Variants in PPP2R3B observed in about 807,000 individuals in gnomAD.
PPP2R3B encodes serine/threonine-protein phosphatase 2A regulatory subunit B'' subunit beta.
In PPP2R3B, 68 loss-of-function variants were observed where a neutral mutation model predicts 72.9. That is an observed-to-expected ratio of 0.93 (90% CI 0.77 to 1.14). The LOEUF (loss-of-function observed/expected upper bound fraction) is 1.14. Ranked by LOEUF, PPP2R3B falls within the 50% of genes most tolerant of loss-of-function variation. The probability of loss-of-function intolerance (pLI) is 0.00; values close to 1 mark genes in which losing one functional copy is unlikely to be tolerated. For synonymous variants in PPP2R3B, 466 were observed against 375.8 expected (o/e 1.24, Z -2.78); for missense variants, 1,018 against 842.0 (o/e 1.21, Z -2.59).
rs373578355 is a variant in PPP2R3B at position 334,521 on chromosome X, C to T, written c.1578-4G>A. 64 of 1,533,210 alleles carry T rather than the reference C, an allele frequency of 4.2e-5. No homozygotes were observed. The highest frequency in any genetic ancestry group is 5.6e-5 in the Non-Finnish European group (64 of 1,147,330). The allele number at this position is 1,533,210 out of a possible 1,614,324, so 95.0% of individuals were successfully genotyped here. Reference sequence around the variant, plus strand: ...AGGGCTGAGCTCGGCCTCGAACCTGCAACGAGGGGATGGCGAAGACGTGGC... The same window carrying T: ...AGGGCTGAGCTCGGCCTCGAACCTGTAACGAGGGGATGGCGAAGACGTGGC... On this transcript the variant is annotated splice_polypyrimidine_tract_variant and splice_region_variant and intron_variant, in intron 12 of 12. Transcript: ENST00000390665.
rs1373800809 is a variant in PPP2R3B, at chrX:346,078, A to AGG, written c.879+94_879+95dup. Reference sequence around the variant, plus strand: ...GGGTGGGGGTGGGAGAGGGGGTGGGAGGGGAGGAGGGAGGGGGGAGGAGGG... The same window carrying AGG: ...GGGTGGGGGTGGGAGAGGGGGTGGGAGGGGGGAGGAGGGAGGGGGGAGGAGGG... On this transcript the variant is annotated intron_variant, in intron 6 of 12. Coordinates refer to ENST00000390665, the MANE Select transcript of PPP2R3B (RefSeq NM_013239.5). 2.1e-4 allele frequency: 88 copies of AGG among 410,020 alleles called. 1 individual carries two copies. The highest frequency in any genetic ancestry group is 1.7e-3 in the East Asian group (39 of 23,026). 25.4% of individuals were successfully genotyped at this position (410,020 alleles called of 1,614,324 possible).
chrX:374,727 C>T lies in PPP2R3B; in HGVS notation c.324+11641G>A, dbSNP rs150425192. On this transcript the variant is annotated intron_variant, in intron 1 of 12. Coordinates refer to ENST00000390665, the MANE Select transcript of PPP2R3B (RefSeq NM_013239.5). Reference sequence around the variant, plus strand: ...CCTGCGTGACCGCCTGCATCTGTTACAGTCAATAAACCTCCTTGGACGGGT... The same window carrying T: ...CCTGCGTGACCGCCTGCATCTGTTATAGTCAATAAACCTCCTTGGACGGGT... Among the ~76,000 whole-genome samples the T allele has an allele frequency of 4.1e-3, 618 of 152,272 alleles. 2 individuals are homozygous for T. The highest frequency in any genetic ancestry group is 7.1e-3 in the Non-Finnish European group (484 of 68,020).
rs1373763628 is a variant in PPP2R3B at position 373,224 on chromosome X, G to A, written c.325-11634C>T. On this transcript the variant is annotated intron_variant, in intron 1 of 12. Transcript: ENST00000390665. ...CTCTCACCCGCCTTGGTTGATCACAGCAAGGCGCGCACTCACAGCCAAAAC... is the reference window on the plus strand; with the variant it reads ...CTCTCACCCGCCTTGGTTGATCACAACAAGGCGCGCACTCACAGCCAAAAC... 2.0e-5 allele frequency among the ~76,000 whole-genome samples: 3 copies of A among 152,338 alleles called. No individual in the cohort carries two copies. The East Asian group carries it at 5.8e-4, about 29-fold the overall frequency.
chrX:362,501 C>T (rs1239867152), intron 1 of PPP2R3B, among the ~76,000 whole-genome samples: 3 of 150,140 alleles, frequency 2.0e-5, no homozygotes, highest in Non-Finnish European at 4.4e-5. Context: ...ATCAACTACT[C>T]GGGACGAGGC....
intron 1 of PPP2R3B, among the ~76,000 whole-genome samples, chrX:367,940 A>G (rs1403573624): frequency 7.2e-5 from 11 of 152,358 alleles, no homozygotes; most frequent in African/African-American, 2.6e-4. Flanking sequence ...TGATGGACAG[A>G]CCTGGAGACA....
Position 346,246 on chromosome X carries a change from G to T in PPP2R3B, c.807C>A (p.Ile269=), listed in dbSNP as rs753036806. ...SRYITTVIQR[I]FYAVNRSWSG... ...ACCAGGACCGGTTCACGGCGTAGAA[G>T]ATCCGCTGGATGACCTGCGGGGGCG... is the stretch of plus-strand genomic sequence containing the variant. The change falls in exon 6 of 13, where the codon ATC becomes ATA. Residue 269 remains isoleucine, a synonymous_variant. Coordinates refer to ENST00000390665, the MANE Select transcript of PPP2R3B (RefSeq NM_013239.5). The T allele has an allele frequency of 4.5e-6, 7 of 1,569,442 alleles. No individual in the cohort carries two copies. Among genetic ancestry groups the T allele is most frequent in the Non-Finnish European group, 6.0e-6 (7 of 1,159,058 alleles).
Position 341,922 on chromosome X carries a change from G to C in PPP2R3B, c.1046C>G (p.Thr349Ser), listed in dbSNP as rs199538596. Residue 349 changes from threonine (T) to serine (S), a missense_variant, in exon 8 of 13, where the codon ACC (threonine) becomes AGC (serine). Coordinates refer to ENST00000390665, the MANE Select transcript of PPP2R3B (RefSeq NM_013239.5). Reference sequence around the variant, plus strand: ...TGAGAAGATCCTGTCTATCATCTTGGTAGAAAGGGCTGGAAAGGAATGCGG... The same window carrying C: ...TGAGAAGATCCTGTCTATCATCTTGCTAGAAAGGGCTGGAAAGGAATGCGG... ...LARHNDHALS[T>S]KMIDRIFSGA... 1 of 1,612,732 alleles carries C rather than the reference G, an allele frequency of 6.2e-7. No individual in the cohort carries two copies. The highest frequency in any genetic ancestry group is 1.3e-5 in the African/African-American group (1 of 75,060).
At chrX:334,639 T>TTGAGCTCCAGCCGC (rs1569370195) in intron 12 of PPP2R3B, 122 bp from the exon 13 acceptor site, 2 of 1,161,192 alleles carry the variant, frequency 1.7e-6, no homozygotes, top group African/African-American at 3.3e-5. Flanking sequence ...TGAGCCGACC[T>TTGAGCTCCAGCCGC]TGAGCTCCAG....
intron 1 of PPP2R3B, among the ~76,000 whole-genome samples, chrX:364,235 G>A (rs1213437923): frequency 3.9e-5 from 6 of 152,244 alleles, no homozygotes; most frequent in East Asian, 3.9e-4. Flanking sequence ...GCGCGCCTCC[G>A]GCCCCAGGAA....
rs190351650 is a variant in PPP2R3B, at chrX:352,363, G to A, written c.511-4670C>T. 3.6e-3 allele frequency among the ~76,000 whole-genome samples: 550 copies of A among 152,352 alleles called. 4 individuals are homozygous for A. Among genetic ancestry groups the A allele is most frequent in the African/African-American group, 0.013 (522 of 41,582 alleles). On this transcript the variant is annotated intron_variant, in intron 2 of 12. Coordinates refer to ENST00000390665, the MANE Select transcript of PPP2R3B (RefSeq NM_013239.5). ...GGCCGCCAGCCCTGACAGTCCCTTC[G>A]GCCCCTCCGCAGTCCGCTACGGCGA...
At chrX:344,777 G>C (rs1288297367) in intron 7 of PPP2R3B, 1 of 263,214 alleles carries the variant, frequency 3.8e-6, no homozygotes, top group Non-Finnish European at 7.5e-6. Flanking sequence ...TCCGACGCAG[G>C]GATCTACTGC....
At chrX:379,069 C>CTGTG (rs572904464) in intron 1 of PPP2R3B, among the ~76,000 whole-genome samples, 9 of 148,646 alleles carry the variant, frequency 6.1e-5, no homozygotes, top group South Asian at 2.1e-4. Context: ...GTGTATGCAC[C>CTGTG]TGTGTGTGTG....
chrX:361,350 C>T lies in PPP2R3B; in HGVS notation c.510+55G>A, dbSNP rs2071534782. 11 of 1,599,356 alleles carry T rather than the reference C, an allele frequency of 6.9e-6. No individual in the cohort carries two copies. In the East Asian group the frequency reaches 2.5e-4, roughly 36 times the overall value. ...CCCACCACGGCCGCTCCGCCTCACCCTCACATGCCCGCAGTACCACCTCGG... is the reference window on the plus strand; with the variant it reads ...CCCACCACGGCCGCTCCGCCTCACCTTCACATGCCCGCAGTACCACCTCGG... On this transcript the variant is annotated intron_variant, in intron 2 of 12. Transcript: ENST00000390665.
At position 350,280 on chromosome X, in the gene PPP2R3B, G is replaced by A. The variant is rs188231319; in HGVS notation, c.511-2587C>T. Reference sequence around the variant, plus strand: ...AGCCCGAAGGGTGAAAGGCCAAACAGCGGCCCCTCCTGGAAGGAAACGAGG... The same window carrying A: ...AGCCCGAAGGGTGAAAGGCCAAACAACGGCCCCTCCTGGAAGGAAACGAGG... On this transcript the variant is annotated intron_variant, in intron 2 of 12. Transcript: ENST00000390665. Among the ~76,000 whole-genome samples, 69 of 152,320 alleles carry A rather than the reference G, an allele frequency of 4.5e-4. 1 individual carries two copies. The East Asian group carries it at 0.01, about 23-fold the overall frequency.
At chrX:351,364 G>A (rs1389787049) in intron 2 of PPP2R3B, among the ~76,000 whole-genome samples, 2 of 152,192 alleles carry the variant, frequency 1.3e-5, no homozygotes, top group Admixed American at 1.3e-4. Context: ...TCAACACCCA[G>A]GGATGGGGGG....
At chrX:363,990 G>C (rs1289054564) in intron 1 of PPP2R3B, among the ~76,000 whole-genome samples, 4 of 152,254 alleles carry the variant, frequency 2.6e-5, no homozygotes, top group African/African-American at 4.8e-5. Flanking sequence ...GCGCCCACAG[G>C]CTGGCAGGAA....
intron 2 of PPP2R3B, among the ~76,000 whole-genome samples, chrX:349,157 C>T (rs983183439): frequency 1.1e-4 from 16 of 152,258 alleles, no homozygotes; most frequent in East Asian, 5.8e-4. Context: ...TCCTCTCCCC[C>T]GAGGCGATGG....
chrX:363,662 C>A (rs113861427), intron 1 of PPP2R3B, among the ~76,000 whole-genome samples: 45 of 2,216 alleles, frequency 0.02, 1 homozygote, highest in East Asian at 0.041. Context: ...CTGTGCCCAC[C>A]ATCCCACAAT....
chrX:340,178 GGC>G lies in PPP2R3B; in HGVS notation c.1351+585_1351+586del, dbSNP rs1407928790. On this transcript the variant is annotated intron_variant, in intron 10 of 12. Transcript: ENST00000390665. ...GGGTGAGAAGGGAGGAGACGGGGGGGGCGGGGTGAGAGGGGAGGAGACGGGGG... is the reference window on the plus strand; with the variant it reads ...GGGTGAGAAGGGAGGAGACGGGGGGGGGGGTGAGAGGGGAGGAGACGGGGG... Among the ~76,000 whole-genome samples the G allele has an allele frequency of 4.6e-3, 10 of 2,194 alleles. 1 individual carries two copies. Among genetic ancestry groups the G allele is most frequent in the African/African-American group, 0.015 (2 of 132 alleles). 1.4% of individuals were successfully genotyped at this position (2,194 alleles called of 152,430 possible).
Sources: gnomAD v4.1 joint callset for allele counts (sites outside exome capture counted in the v4.1 genomes callset) on GRCh38, gnomAD v4.1.1 for gene constraint, MANE v1.5 for transcripts, NCBI Gene and HGNC (gene_info 2026-07-23, HGNC 2026-07-21) for gene names.